DISP3: variants seen among roughly 807,000 people sequenced by gnomAD.
The protein encoded by DISP3 is protein dispatched homolog 3.
In DISP3, 101 loss-of-function variants were observed where a neutral mutation model predicts 135.3. The observed-to-expected ratio is 0.75, with a 90% CI of 0.64 to 0.88. DISP3 has a LOEUF of 0.88. DISP3 is among the 40% of genes least tolerant of loss of function. DISP3 has a pLI of 0.00. For missense variants in DISP3, 1,713 were observed against 1,878.6 expected (o/e 0.91, Z 1.63); for synonymous variants, 856 against 817.0 (o/e 1.05, Z -0.81).
Position 11,516,461 on chromosome 1 carries a change from C to T in DISP3, c.1749+300C>T, listed in dbSNP as rs547938136. On this transcript the variant is annotated intron_variant, in intron 6 of 20. Coordinates refer to ENST00000294484, the MANE Select transcript of DISP3 (RefSeq NM_020780.2). The surrounding 1 kb of genome is among the most constrained non-coding windows in gnomAD (Gnocchi z 5.1). The stretch of plus-strand genomic sequence containing the variant: ...CTTTCTCGTTTAATCTTCATTACCA[C>T]GGTAATTGACAAAGGTACAATTACC... Among the ~76,000 whole-genome samples the T allele has an allele frequency of 7.2e-4, 109 of 152,300 alleles. No homozygotes were observed. Among genetic ancestry groups the T allele is most frequent in the African/African-American group, 2.5e-3 (102 of 41,558 alleles).
chr1:11,517,471 C>G lies in DISP3; in HGVS notation c.1758C>G (p.Ala586=). The change falls in exon 7 of 21, where the codon GCC becomes GCG. Residue 586 remains alanine (A), a synonymous_variant. Coordinates refer to ENST00000294484, the MANE Select transcript of DISP3 (RefSeq NM_020780.2). Reference sequence around the variant, plus strand: ...TTCCTTTCCATCACCAGATCCCAGCCGTCCACGACTTTGGCCTGTTCATGT... The same window carrying G: ...TTCCTTTCCATCACCAGATCCCAGCGGTCCACGACTTTGGCCTGTTCATGT... ...YAANVFSQIP[A]VHDFGLFMSL... is the part of the protein sequence containing the mutation. 6.2e-7 allele frequency: 1 copy of G among 1,614,132 alleles called. No homozygotes were observed.
intron 3 of DISP3, among the ~76,000 whole-genome samples, chr1:11,505,058 C>G (rs1308656469): frequency 6.6e-6 from 1 of 152,254 alleles, no homozygotes; most frequent in African/African-American, 2.4e-5. Context: ...GCTTCTCACT[C>G]TGTCTTTTAA....
chr1:11,486,528 C>T (rs1557590133), intron 1 of DISP3, among the ~76,000 whole-genome samples: 2 of 152,148 alleles, frequency 1.3e-5, no homozygotes, highest in East Asian at 1.9e-4. Context: ...AGCAGATGAT[C>T]CCAGAGTAAC....
chr1:11,505,834 A>G (rs1641682979), intron 3 of DISP3, among the ~76,000 whole-genome samples: 1 of 152,078 alleles, frequency 6.6e-6, no homozygotes, highest in Admixed American at 6.6e-5. Flanking sequence ...TTATTCACAT[A>G]TTTACCGTTT....
intron 1 of DISP3, among the ~76,000 whole-genome samples, chr1:11,492,511 G>T (rs1015960097): frequency 6.6e-6 from 1 of 152,288 alleles, no homozygotes; most frequent in East Asian, 1.9e-4. Flanking sequence ...CTGAGAAATG[G>T]GGGGCTTGGA....
At chr1:11,498,102 T>C (rs1439536105) in intron 1 of DISP3, among the ~76,000 whole-genome samples, 1 of 152,160 alleles carries the variant, frequency 6.6e-6, no homozygotes, top group African/African-American at 2.4e-5. Flanking sequence ...GTCTGCAGGG[T>C]ATGGAGCCAC....
At chr1:11,497,228 AG>A (rs1641359865) in intron 1 of DISP3, among the ~76,000 whole-genome samples, 1 of 152,094 alleles carries the variant, frequency 6.6e-6, no homozygotes, top group African/African-American at 2.4e-5. Context: ...ATTTTTCCAT[AG>A]GTTATTGGGG....
At chr1:11,492,209 C>T (rs1181683347) in intron 1 of DISP3, among the ~76,000 whole-genome samples, 1 of 150,274 alleles carries the variant, frequency 6.7e-6, no homozygotes, top group African/African-American at 2.4e-5. Flanking sequence ...CCCCATTTTA[C>T]AGATTTCCCT....
At position 11,501,994 on chromosome 1, in the gene DISP3, G is replaced by GC. The variant is rs1254844982; in HGVS notation, c.1008dup (p.Ser337GlnfsTer19). On this transcript the variant is annotated frameshift_variant, in exon 2 of 21. Transcript: ENST00000294484. LOFTEE classifies it high-confidence loss of function. This position sits in a 1 kb window ranked among gnomAD's most constrained non-coding sequence, Gnocchi z 4.9. ...CGCTGGGCTCCTACTCCTACTGCTC[G>GC]CCCCCCAGCTCGCTCATGACCTACT... 1.2e-6 allele frequency: 2 copies of GC among 1,613,630 alleles called. No homozygotes were observed. The highest frequency in any genetic ancestry group is 1.7e-6 in the Non-Finnish European group (2 of 1,179,862).
rs1348438444 is a variant in DISP3, at chr1:11,514,413, G to A, written c.1340G>A (p.Gly447Glu). The A allele has an allele frequency of 3.7e-6, 6 of 1,613,152 alleles. No individual in the cohort carries two copies. The highest frequency in any genetic ancestry group is 5.1e-6 in the Non-Finnish European group (6 of 1,179,084). Residue 447 changes from glycine to glutamate, a missense_variant, in exon 4 of 21, where the codon GGG (glycine) becomes GAG (glutamate). By Grantham distance (98) the Gly-to-Glu change is moderately conservative (BLOSUM62 -2). Transcript: ENST00000294484. ...AGCAAAGTCCAGGTTCTCTATGGGG[G>A]GACAGACCTGTTTGACTATGAAGTG... ...STSKVQVLYG[G>E]TDLFDYEVRR...
rs11121761 is a variant in DISP3 at position 11,511,340 on chromosome 1, T to A, written c.1317-3050T>A. Reference sequence around the variant, plus strand: ...GCCTATAAAATCAGAAGCAAGCTAGTTACTTCCTAGATACAATGGGGGTAC... The same window carrying A: ...GCCTATAAAATCAGAAGCAAGCTAGATACTTCCTAGATACAATGGGGGTAC... On this transcript the variant is annotated intron_variant, in intron 3 of 20. Coordinates refer to ENST00000294484, the MANE Select transcript of DISP3 (RefSeq NM_020780.2). Among the ~76,000 whole-genome samples, 1,260 of 152,298 alleles carry A rather than the reference T, an allele frequency of 8.3e-3. 16 individuals are homozygous for A. Among genetic ancestry groups the A allele is most frequent in the African/African-American group, 0.029 (1,202 of 41,554 alleles).
chr1:11,480,349 G>A (rs1020946315), intron 1 of DISP3, among the ~76,000 whole-genome samples: 1 of 152,002 alleles, frequency 6.6e-6, no homozygotes, highest in Non-Finnish European at 1.5e-5. Flanking sequence ...CCATCCATGC[G>A]CACACACATA....
intron 12 of DISP3, among the ~76,000 whole-genome samples, chr1:11,526,240 G>T (rs1642415228): frequency 6.6e-6 from 1 of 152,170 alleles, no homozygotes; most frequent in Non-Finnish European, 1.5e-5. Flanking sequence ...GTCTCAACAT[G>T]CCTGTTGGTC....
chr1:11,493,717 C>A (rs1455065538), intron 1 of DISP3, among the ~76,000 whole-genome samples: 2 of 151,136 alleles, frequency 1.3e-5, no homozygotes, highest in South Asian at 2.1e-4. Context: ...GAGCAAGACT[C>A]CATCTCAAAA....
intron 1 of DISP3, among the ~76,000 whole-genome samples, chr1:11,500,158 G>A (rs558129016): frequency 7.2e-5 from 11 of 152,230 alleles, no homozygotes; most frequent in Non-Finnish European, 1.5e-4. Flanking sequence ...TGTTGCTGGA[G>A]CTGCATATTA....
At position 11,502,679 on chromosome 1, in the gene DISP3, C is replaced by T. The variant is rs772988967; in HGVS notation, c.1098C>T (p.Gly366=). 27 of 1,613,174 alleles carry T rather than the reference C, an allele frequency of 1.7e-5. No homozygotes were observed. Among genetic ancestry groups the T allele is most frequent in the Non-Finnish European group, 2.3e-5 (27 of 1,179,612 alleles). Residue 366 remains glycine (G), a splice_region_variant and synonymous_variant, in exon 3 of 21, where the codon GGC becomes GGT. Transcript: ENST00000294484. The part of the protein sequence containing the change: ...GMGQDLADIR[G]SLELAMTHPE... Reference sequence around the variant, plus strand: ...GGGCCCCCACCCCTGTCCTTGCAGGCTCCCTGGAGCTGGCCATGACTCACC... The same window carrying T: ...GGGCCCCCACCCCTGTCCTTGCAGGTTCCCTGGAGCTGGCCATGACTCACC...
chr1:11,510,636 T>A (rs1641832096), intron 3 of DISP3, among the ~76,000 whole-genome samples: 1 of 97,818 alleles, frequency 1.0e-5, no homozygotes, highest in African/African-American at 3.7e-5. Flanking sequence ...TTTCCCTATT[T>A]CCATCTGTTA....
Position 11,520,915 on chromosome 1 carries a change from A to G in DISP3, c.2362+67A>G. 2 of 1,488,690 alleles carry G rather than the reference A, an allele frequency of 1.3e-6. No individual in the cohort carries two copies. The highest frequency in any genetic ancestry group is 2.6e-5 in the South Asian group (2 of 77,760). The allele number at this position is 1,488,690 out of a possible 1,614,324, so 92.2% of individuals were successfully genotyped here. A position where few individuals can be genotyped will look rare whatever the true frequency, so the allele number is the denominator to read the frequency against. ...CCGGGTCCCAAAGACTGTTGGTCTG[A>G]GAGATGCAGGATCCAGGGTCCCCAT... On this transcript the variant is annotated intron_variant, in intron 10 of 20. Transcript: ENST00000294484. This position sits in a 1 kb window ranked among gnomAD's most constrained non-coding sequence, Gnocchi z 4.8.
At chr1:11,517,753 T>A in intron 7 of DISP3, 151 bp downstream of exon 7, 1 of 1,076,834 alleles carries the variant, frequency 9.3e-7, no homozygotes, top group South Asian at 1.7e-5. Flanking sequence ...TTCCATCCAA[T>A]AACTGCAATT....
Sources: gnomAD v4.1 joint callset for allele counts (sites outside exome capture counted in the v4.1 genomes callset) on GRCh38, gnomAD v4.1.1 for gene constraint, Gnocchi (gnomAD v3.1) non-coding constraint, MANE v1.5 for transcripts, NCBI Gene and HGNC (gene_info 2026-07-23, HGNC 2026-07-21) for gene names.